The following MPO variants were observed in gnomAD, a reference collection of about 807,000 sequenced individuals.
The protein encoded by MPO is myeloperoxidase.
MPO carries 57 observed loss-of-function variants against 69.4 expected under a neutral mutation model. The observed-to-expected ratio is 0.82, with a 90% CI of 0.66 to 1.02. MPO has a LOEUF of 1.02. Ranked by LOEUF, MPO falls within the 50% of genes least tolerant of loss-of-function variation. The probability of loss-of-function intolerance (pLI) is 0.00; values close to 1 mark genes in which losing one functional copy is unlikely to be tolerated. For missense variants in MPO, 971 were observed against 1,014.1 expected, an observed-to-expected ratio of 0.96 and a Z score of 0.58; for synonymous variants, 426 against 417.1, an observed-to-expected ratio of 1.02 and a Z score of -0.26.
In MPO at chr17:58,274,375, TG is replaced by T. The variant is rs1393308692; in HGVS notation, c.1366-707del. ...GTGTGTGTGTGTGTGTGTGTGTGTG[TG>T]TGTGTGTGAGTGTGTGTATGTCTGC... On this transcript the variant is annotated intron_variant, in intron 8 of 11. Coordinates refer to ENST00000225275, the MANE Select transcript of MPO (RefSeq NM_000250.2). 5.5e-3 allele frequency among the ~76,000 whole-genome samples: 832 copies of T among 151,792 alleles called. 5 individuals are homozygous for T. Among genetic ancestry groups the T allele is most frequent in the Non-Finnish European group, 8.5e-3 (579 of 67,904 alleles).
In MPO at chr17:58,270,623, T is replaced by A. The variant is rs749254387; in HGVS notation, c.*33A>T. On this transcript the variant is annotated 3_prime_UTR_variant, in exon 12 of 12. Transcript: ENST00000225275. The surrounding 1 kb of genome is among the most constrained non-coding windows in gnomAD (Gnocchi z 4.1). Reference sequence around the variant, plus strand: ...TGGTTCCAACTGGCCAGCCCAGATATACCCCTCACTGCTGCACCCCCTTAC... The same window carrying A: ...TGGTTCCAACTGGCCAGCCCAGATAAACCCCTCACTGCTGCACCCCCTTAC... 6.4e-7 allele frequency: 1 copy of A among 1,558,456 alleles called. No individual in the cohort carries two copies. The highest frequency in any genetic ancestry group is 8.7e-7 in the Non-Finnish European group (1 of 1,143,912).
intron 10 of MPO, among the ~76,000 whole-genome samples, chr17:58,272,541 T>C (rs556988833): frequency 2.8e-4 from 43 of 152,292 alleles, no homozygotes; most frequent in South Asian, 4.2e-4. Flanking sequence ...AATTACAGCA[T>C]GCAAAGGAGG....
intron 7 of MPO, among the ~76,000 whole-genome samples, chr17:58,276,213 G>A (rs1205306241): frequency 1.3e-5 from 2 of 152,144 alleles, no homozygotes; most frequent in Non-Finnish European, 2.9e-5. Context: ...TGCAGCTAAC[G>A]ATCACAGCAC....
intron 1 of MPO, 73 bp from the exon 2 acceptor site, chr17:58,280,532 T>G (rs146266893): frequency 1.5e-5 from 24 of 1,612,950 alleles, no homozygotes. Flanking sequence ...TAGGAAGGCC[T>G]GCTCTGAGAA....
chr17:58,275,982 C>G lies in MPO; in HGVS notation c.1205-280G>C, dbSNP rs1480591844. ...ACACATGACATGCCACTTTCCTGTA[C>G]CTGAAACTGGGAGCTCCTTGAGCAC... On this transcript the variant is annotated intron_variant, in intron 7 of 11. Transcript: ENST00000225275. This position sits in a 1 kb window ranked among gnomAD's most constrained non-coding sequence, Gnocchi z 4.1. 6.6e-6 allele frequency among the ~76,000 whole-genome samples: 1 copy of G among 152,188 alleles called. No individual in the cohort carries two copies. Among genetic ancestry groups the G allele is most frequent in the Non-Finnish European group, 1.5e-5 (1 of 68,038 alleles).
intron 6 of MPO, 172 bp downstream of exon 6, chr17:58,278,836 C>T (rs1598042550): frequency 2.5e-6 from 2 of 812,588 alleles, no homozygotes; most frequent in African/African-American, 1.7e-5. Context: ...TGAGCCCAGG[C>T]GCAGGAAGGA....
Sources: allele counts gnomAD v4.1 joint callset (sites outside exome capture counted in the v4.1 genomes callset), GRCh38; gene constraint gnomAD v4.1.1; non-coding constraint Gnocchi (gnomAD v3.1); transcripts MANE v1.5; gene names NCBI Gene and HGNC (gene_info 2026-07-23, HGNC 2026-07-21).